Variants in MRPL33 observed in about 807,000 individuals in gnomAD.
MRPL33 encodes the protein mitochondrial ribosomal protein L33.
Under a neutral mutation model 10.1 loss-of-function variants are expected in MRPL33, and 5 were observed. That is an observed-to-expected ratio of 0.49 (90% CI 0.26 to 1.04). The LOEUF is 1.04. Ranked by LOEUF, MRPL33 falls within the 50% of genes least tolerant of loss-of-function variation. The pLI is 0.14. For missense variants in MRPL33, 79 were observed against 78.1 expected (o/e 1.01, Z -0.04); for synonymous variants, 24 against 27.7 (o/e 0.87, Z 0.42).
At chr2:27,774,289 A>G (rs1055617187) in intron 2 of MRPL33, 135 bp from the exon 3 acceptor site, 11 of 708,358 alleles carry the variant, frequency 1.6e-5, no homozygotes, top group African/African-American at 7.1e-5. Context: ...CTGTCTTACA[A>G]CTGAACCTTT....
At chr2:27,779,134 T>C (rs987691819) in intron 3 of MRPL33, among the ~76,000 whole-genome samples, 1 of 152,140 alleles carries the variant, frequency 6.6e-6, no homozygotes, top group Admixed American at 6.5e-5. Context: ...GGTGAAAACA[T>C]TGTTTTCCAT....
rs772288400 is a variant in MRPL33 at position 27,779,596 on chromosome 2, C to T, written c.*114C>T. On this transcript the variant is annotated 3_prime_UTR_variant, in exon 4 of 4. Coordinates refer to ENST00000296102, the MANE Select transcript of MRPL33 (RefSeq NM_004891.4). The stretch of plus-strand genomic sequence containing the variant: ...AGAGGAAATGGCATGGAATCACTGC[C>T]TCCTGTGATTTGAAGGCCATTGTGA... 3 of 1,574,654 alleles carry T rather than the reference C, an allele frequency of 1.9e-6. No individual in the cohort carries two copies. The African/African-American group carries it at 4.1e-5, about 22-fold the overall frequency.
chr2:27,776,497 G>T (rs149087658), intron 3 of MRPL33, among the ~76,000 whole-genome samples: 335 of 152,352 alleles, frequency 2.2e-3, no homozygotes, highest in African/African-American at 7.8e-3. Flanking sequence ...CCAATTATTT[G>T]AGCATTTCAT....
At position 27,774,413 on chromosome 2, in the gene MRPL33, T is replaced by C; in HGVS notation, c.42-11T>C. On this transcript the variant is annotated splice_polypyrimidine_tract_variant and intron_variant, in intron 2 of 3. Coordinates refer to ENST00000296102, the MANE Select transcript of MRPL33 (RefSeq NM_004891.4). ...TCAGCTCGTACATAACAGCGTACTT[T>C]TTAATCTTAGAAACATTCTGGTGAG... The C allele has an allele frequency of 6.2e-7, 1 of 1,612,212 alleles. No homozygotes were observed. The highest frequency in any genetic ancestry group is 1.1e-5 in the South Asian group (1 of 91,032).
At chr2:27,775,391 G>A (rs559309927) in intron 3 of MRPL33, among the ~76,000 whole-genome samples, 7 of 128,022 alleles carry the variant, frequency 5.5e-5, no homozygotes, top group Non-Finnish European at 7.9e-5. Context: ...TCACTTTGTC[G>A]CCCAGGCTGG....
At chr2:27,779,288 G>A in intron 3 of MRPL33, 145 bp from the exon 4 acceptor site, 1 of 983,218 alleles carries the variant, frequency 1.0e-6, no homozygotes, top group Non-Finnish European at 1.4e-6. Context: ...TGGAGGAACT[G>A]AGTTTGCAAA....
Position 27,774,409 on chromosome 2 carries a change from A to C in MRPL33, c.42-15A>C. ...TTCGTCAGCTCGTACATAACAGCGT[A>C]CTTTTTAATCTTAGAAACATTCTGG... On this transcript the variant is annotated splice_polypyrimidine_tract_variant and intron_variant, in intron 2 of 3. Coordinates refer to ENST00000296102, the MANE Select transcript of MRPL33 (RefSeq NM_004891.4). The C allele has an allele frequency of 6.2e-7, 1 of 1,608,458 alleles. No homozygotes were observed. The highest frequency in any genetic ancestry group is 8.5e-7 in the Non-Finnish European group (1 of 1,174,912).
rs1259562816 is a variant in MRPL33, at chr2:27,771,769, G to T, written c.-9G>T. 3.7e-6 allele frequency: 6 copies of T among 1,614,194 alleles called. No homozygotes were observed. The highest frequency in any genetic ancestry group is 5.1e-6 in the Non-Finnish European group (6 of 1,180,026). ...GGCCGGTGACGGAGACTGCCCAGGT[G>T]TGGTCACCATGTTCCTCTCCGCGGT... On this transcript the variant is annotated 5_prime_UTR_variant, in exon 1 of 4. Coordinates refer to ENST00000296102, the MANE Select transcript of MRPL33 (RefSeq NM_004891.4).
chr2:27,779,697 G>T lies in MRPL33; in HGVS notation c.*215G>T. On this transcript the variant is annotated 3_prime_UTR_variant, in exon 4 of 4. Coordinates refer to ENST00000296102, the MANE Select transcript of MRPL33 (RefSeq NM_004891.4). ...TGCATCACATTTATTTATCTTTCTG[G>T]GTATTTTTATAGCCCTTAATAAAAA... The T allele has an allele frequency of 2.2e-6, 2 of 894,586 alleles. No individual in the cohort carries two copies. The highest frequency in any genetic ancestry group is 1.6e-6 in the Non-Finnish European group (1 of 632,788). The allele number at this position is 894,586 out of a possible 1,614,324, so 55.4% of individuals were successfully genotyped here.
At chr2:27,774,357 AT>A in intron 2 of MRPL33, 66 bp from the exon 3 acceptor site, 1 of 1,287,106 alleles carries the variant, frequency 7.8e-7, no homozygotes, top group Non-Finnish European at 1.1e-6. Flanking sequence ...AAAATGTGCC[AT>A]CCCCCTGTGA....
intron 3 of MRPL33, among the ~76,000 whole-genome samples, chr2:27,777,807 C>A (rs1677204182): frequency 6.6e-6 from 1 of 152,178 alleles, no homozygotes; most frequent in African/African-American, 2.4e-5. Flanking sequence ...TAGTCAGGGT[C>A]ATTTAAATAG....
At chr2:27,778,363 C>G (rs1463025783) in intron 3 of MRPL33, among the ~76,000 whole-genome samples, 1 of 151,980 alleles carries the variant, frequency 6.6e-6, no homozygotes, top group African/African-American at 2.4e-5. Context: ...GTTTAAGTTC[C>G]TGGATCTTCC....
At chr2:27,778,806 G>A (rs772208905) in intron 3 of MRPL33, among the ~76,000 whole-genome samples, 4 of 152,132 alleles carry the variant, frequency 2.6e-5, no homozygotes, top group Non-Finnish European at 5.9e-5. Flanking sequence ...TGACCACCTC[G>A]GTCTCCCAAA....
At chr2:27,775,073 G>A (rs1329058489) in intron 3 of MRPL33, among the ~76,000 whole-genome samples, 18 of 152,176 alleles carry the variant, frequency 1.2e-4, no homozygotes, top group Admixed American at 1.2e-3. Flanking sequence ...TGCAGTGGGG[G>A]TAGGAAATTT....
At chr2:27,777,683 C>T (rs1677202374) in intron 3 of MRPL33, among the ~76,000 whole-genome samples, 1 of 152,194 alleles carries the variant, frequency 6.6e-6, no homozygotes, top group Admixed American at 6.5e-5. Flanking sequence ...TTGCCTAGCA[C>T]AGTTCTATGG....
At chr2:27,773,761 G>T (rs1034406017) in intron 2 of MRPL33, among the ~76,000 whole-genome samples, 2 of 152,230 alleles carry the variant, frequency 1.3e-5, no homozygotes, top group South Asian at 4.1e-4. Flanking sequence ...AAGCAATGCA[G>T]TGGTGTGTAA....
chr2:27,776,537 T>C (rs1048685026), intron 3 of MRPL33, among the ~76,000 whole-genome samples: 15 of 152,270 alleles, frequency 9.9e-5, no homozygotes, highest in African/African-American at 2.9e-4. Context: ...AGCAGCTGCA[T>C]GTGCCTATCC....
intron 1 of MRPL33, 100 bp downstream of exon 1, chr2:27,771,899 A>G (rs970272424): frequency 1.3e-5 from 16 of 1,255,286 alleles, no homozygotes; most frequent in Non-Finnish European, 1.5e-5. Flanking sequence ...TGCGAACAGG[A>G]CGGGAAGCTG....
At chr2:27,773,554 G>T (rs1332272826) in intron 2 of MRPL33, among the ~76,000 whole-genome samples, 1 of 152,186 alleles carries the variant, frequency 6.6e-6, no homozygotes, top group East Asian at 1.9e-4. Context: ...TTGACCTCAT[G>T]TACCAACTCA....
Sources: gnomAD v4.1 joint callset for allele counts (sites outside exome capture counted in the v4.1 genomes callset) on GRCh38, gnomAD v4.1.1 for gene constraint, MANE v1.5 for transcripts, NCBI Gene and HGNC (gene_info 2026-07-23, HGNC 2026-07-21) for gene names.